The following SOX5 variants were observed in gnomAD, a reference collection of about 807,000 sequenced individuals.
SOX5 encodes the protein transcription factor SOX-5.
SOX5 carries 9 observed loss-of-function variants against 92.0 expected under a neutral mutation model. That is an observed-to-expected ratio of 0.10 (90% CI 0.06 to 0.17). The LOEUF is 0.17. SOX5 is among the 10% of genes least tolerant of loss of function. SOX5 has a pLI of 1.00. For missense variants in SOX5, 642 were observed against 944.5 expected (o/e 0.68, Z 4.20); for synonymous variants, 344 against 336.3 (o/e 1.02, Z -0.25).
At chr12:24,425,437 C>G (rs1966614912) in intron 1 of SOX5, among the ~76,000 whole-genome samples, 1 of 152,208 alleles carries the variant, frequency 6.6e-6, no homozygotes, top group African/African-American at 2.4e-5. Flanking sequence ...TACAAGCTCA[C>G]CACTGCATAC....
chr12:24,161,733 T>TAAAAAAAAAA (rs1485289831), intron 4 of SOX5, among the ~76,000 whole-genome samples: 1 of 152,006 alleles, frequency 6.6e-6, no homozygotes, highest in African/African-American at 2.4e-5. Flanking sequence ...ATAAAACTGA[T>TAAAAAAAAAA]AAAGATTAAC....
chr12:23,872,501 T>C (rs531526246), intron 2 of SOX5, among the ~76,000 whole-genome samples: 2 of 152,278 alleles, frequency 1.3e-5, no homozygotes, highest in South Asian at 4.1e-4. Flanking sequence ...GTCCCTCTTA[T>C]GGTTTGATAT....
intron 4 of SOX5, among the ~76,000 whole-genome samples, chr12:23,965,134 C>A (rs79605452): frequency 2.1e-3 from 322 of 152,298 alleles, no homozygotes; most frequent in Middle Eastern, 0.01. Context: ...TAGCAGGACA[C>A]CATCTACCGT....
chr12:23,868,744 TC>T (rs1460424390), intron 2 of SOX5, among the ~76,000 whole-genome samples: 2 of 152,098 alleles, frequency 1.3e-5, no homozygotes, highest in Non-Finnish European at 2.9e-5. Context: ...TCAATTTTGC[TC>T]CCATGGATTT....
rs1447241101 is a variant in SOX5, at chr12:23,747,825, T to A, written c.569-6786A>T. Among the ~76,000 whole-genome samples the A allele has an allele frequency of 2.6e-5, 4 of 152,176 alleles. 1 individual carries two copies. The highest frequency in any genetic ancestry group is 9.6e-5 in the African/African-American group (4 of 41,542). On this transcript the variant is annotated intron_variant, in intron 4 of 14. Transcript: ENST00000451604. ...TTCCTCTTGAAATGACTGGCTTTTT[T>A]CTTTAATTCATTCAGCATGTGTTCA...
rs1014543320 is a variant in SOX5 at position 24,393,681 on chromosome 12, A to C, written c.-250-25042T>G. On this transcript the variant is annotated intron_variant, in intron 1 of 4. Transcript: ENST00000446891. The surrounding 1 kb of genome is among the most constrained non-coding windows in gnomAD (Gnocchi z 5.0). ...CATGGAAACTAGTGCTTAATGTAGAAATTATTAAAATTTGGCAAAACTTTT... is the reference window on the plus strand; with the variant it reads ...CATGGAAACTAGTGCTTAATGTAGACATTATTAAAATTTGGCAAAACTTTT... Among the ~76,000 whole-genome samples the C allele has an allele frequency of 6.6e-6, 1 of 152,212 alleles. No homozygotes were observed. The highest frequency in any genetic ancestry group is 2.4e-5 in the African/African-American group (1 of 41,452).
At chr12:24,411,045 A>G (rs1241217474) in intron 1 of SOX5, among the ~76,000 whole-genome samples, 1 of 152,050 alleles carries the variant, frequency 6.6e-6, no homozygotes, top group Non-Finnish European at 1.5e-5. Flanking sequence ...TAGGTATTTC[A>G]TTTTCTGAGT....
At chr12:23,537,726 A>G (rs1425498273) in intron 13 of SOX5, among the ~76,000 whole-genome samples, 2 of 152,202 alleles carry the variant, frequency 1.3e-5, no homozygotes, top group Admixed American at 6.5e-5. Flanking sequence ...CATTTTAGAT[A>G]TGGTTTAAAA....
chr12:24,047,060 T>C (rs112736246), intron 4 of SOX5, among the ~76,000 whole-genome samples: 1 of 139,578 alleles, frequency 7.2e-6, no homozygotes, highest in Non-Finnish European at 1.6e-5. Context: ...TCTTATTTTT[T>C]CCCCCTTTGG....
chr12:24,355,955 A>T (rs994412995), intron 2 of SOX5, among the ~76,000 whole-genome samples: 7 of 152,276 alleles, frequency 4.6e-5, no homozygotes, highest in African/African-American at 1.7e-4. Flanking sequence ...GCATTTTTTT[A>T]AAAAATAGAA....
intron 7 of SOX5, among the ~76,000 whole-genome samples, chr12:23,655,217 T>C (rs552828847): frequency 6.6e-6 from 1 of 152,080 alleles, no homozygotes; most frequent in Non-Finnish European, 1.5e-5. Context: ...ATCTAAGAAG[T>C]CTGAGTATCC....
intron 2 of SOX5, among the ~76,000 whole-genome samples, chr12:23,892,320 CTG>C (rs1166330472): frequency 1.3e-5 from 2 of 152,076 alleles, no homozygotes; most frequent in Non-Finnish European, 2.9e-5. Context: ...AAGAATAAAA[CTG>C]TGCCATTCAA....
chr12:24,248,320 C>T (rs1939303140), intron 3 of SOX5, among the ~76,000 whole-genome samples: 1 of 152,186 alleles, frequency 6.6e-6, no homozygotes, highest in Non-Finnish European at 1.5e-5. Flanking sequence ...CTGAAGGAAG[C>T]AGATTATAGT....
At chr12:24,187,333 AAG>A (rs565465934) in intron 4 of SOX5, among the ~76,000 whole-genome samples, 188 of 152,350 alleles carry the variant, frequency 1.2e-3, no homozygotes, top group African/African-American at 4.2e-3. Context: ...TCTGAGCTGC[AAG>A]TATCATATCT....
chr12:23,690,843 T>A (rs550257059), intron 6 of SOX5, among the ~76,000 whole-genome samples: 1 of 152,314 alleles, frequency 6.6e-6, no homozygotes, highest in East Asian at 1.9e-4. Flanking sequence ...AATTTACCTT[T>A]TCCCACTTAA....
chr12:23,973,611 G>C (rs1333007998), intron 4 of SOX5, among the ~76,000 whole-genome samples: 4 of 152,144 alleles, frequency 2.6e-5, no homozygotes, highest in Admixed American at 6.5e-5. Context: ...AACTGCAGGA[G>C]ACACATTCCA....
chr12:23,846,606 T>C (rs2096578035), intron 2 of SOX5, among the ~76,000 whole-genome samples: 1 of 152,218 alleles, frequency 6.6e-6, no homozygotes, highest in African/African-American at 2.4e-5. Context: ...AATGTAGTGA[T>C]CATTTGTGTT....
intron 6 of SOX5, among the ~76,000 whole-genome samples, chr12:23,733,806 A>T (rs1203367389): frequency 2.0e-5 from 3 of 152,218 alleles, no homozygotes; most frequent in Non-Finnish European, 4.4e-5. Flanking sequence ...ATTTCTCTCC[A>T]GATTAGCATA....
chr12:24,381,449 G>A (rs1957815962), intron 1 of SOX5, among the ~76,000 whole-genome samples: 1 of 152,142 alleles, frequency 6.6e-6, no homozygotes, highest in Non-Finnish European at 1.5e-5. Flanking sequence ...TACATCAATA[G>A]TTCTTAATGG....
Sources: gnomAD v4.1 joint callset for allele counts (sites outside exome capture counted in the v4.1 genomes callset) on GRCh38, gnomAD v4.1.1 for gene constraint, Gnocchi (gnomAD v3.1) non-coding constraint, MANE v1.5 for transcripts, NCBI Gene and HGNC (gene_info 2026-07-23, HGNC 2026-07-21) for gene names.